Variants in DPP6 observed in about 807,000 individuals in gnomAD.
DPP6 encodes dipeptidyl peptidase like 6, also known as A-type potassium channel modulatory protein DPP6.
DPP6 carries 69 observed loss-of-function variants against 122.6 expected under a neutral mutation model. The observed-to-expected ratio is 0.56, with a 90% CI of 0.46 to 0.69. DPP6 has a LOEUF of 0.69. Ranked by LOEUF, DPP6 falls within the 30% of genes least tolerant of loss-of-function variation. The pLI is 0.00. For missense variants in DPP6, 928 were observed against 1,116.9 expected (o/e 0.83, Z 2.41); for synonymous variants, 418 against 433.1 (o/e 0.97, Z 0.43).
rs138443287 is a variant in DPP6 at position 154,378,083 on chromosome 7, G to A, written c.244-68131G>A. On this transcript the variant is annotated intron_variant, in intron 1 of 25. Transcript: ENST00000377770. ...GGCATATAGAAACAGTGCCTGGTGA[G>A]CTCTTTTTGAGGATAGATGCTAGGT... 3.0e-3 allele frequency among the ~76,000 whole-genome samples: 455 copies of A among 152,320 alleles called. 4 individuals are homozygous for A. The South Asian group carries it at 0.034, about 11-fold the overall frequency.
intron 1 of DPP6, among the ~76,000 whole-genome samples, chr7:154,033,135 G>T (rs1441615614): frequency 6.6e-6 from 1 of 151,090 alleles, no homozygotes; most frequent in African/African-American, 2.5e-5. Context: ...GCATTTATTT[G>T]CCCAGTACCC....
intron 1 of DPP6, among the ~76,000 whole-genome samples, chr7:153,994,327 A>G (rs1797331467): frequency 6.6e-6 from 1 of 151,892 alleles, no homozygotes; most frequent in Non-Finnish European, 1.5e-5. Flanking sequence ...ATCAATTTTC[A>G]ATAAAACTTC....
the DPP6 span, among the ~76,000 whole-genome samples, chr7:153,818,406 C>T: frequency 1.3e-5 from 2 of 151,870 alleles, no homozygotes; most frequent in African/African-American, 4.8e-5. Context: ...TTTGCTGCAG[C>T]ATTGTTTGTA....
chr7:153,960,692 CATGTGTGTGT>C (rs1563050952), intron 1 of DPP6, among the ~76,000 whole-genome samples: 2 of 143,230 alleles, frequency 1.4e-5, no homozygotes, highest in Non-Finnish European at 3.0e-5. Context: ...CATGCGTGTG[CATGTGTGTGT>C]GAATGTGTGT....
intron 2 of DPP6, 87 bp from the exon 3 acceptor site, chr7:154,474,852 T>C: frequency 9.7e-7 from 1 of 1,034,442 alleles, no homozygotes; most frequent in Non-Finnish European, 1.5e-6. Flanking sequence ...TCCATACTAT[T>C]TATAAATGAC....
intron 1 of DPP6, among the ~76,000 whole-genome samples, chr7:154,352,831 T>C (rs1017657240): frequency 2.0e-5 from 3 of 152,228 alleles, no homozygotes; most frequent in African/African-American, 7.2e-5. Flanking sequence ...ATCCCAGAAC[T>C]TCAGTAAATT....
chr7:153,888,213 G>A (rs887732847), intron 1 of DPP6, among the ~76,000 whole-genome samples: 6 of 152,218 alleles, frequency 3.9e-5, no homozygotes, highest in Non-Finnish European at 7.3e-5. Context: ...TGCTCTCGGG[G>A]CAGGCGCCAG....
At chr7:153,912,426 C>G (rs1380950215) in intron 1 of DPP6, among the ~76,000 whole-genome samples, 1 of 152,162 alleles carries the variant, frequency 6.6e-6, no homozygotes, top group Non-Finnish European at 1.5e-5. Flanking sequence ...AAGGACTCCT[C>G]TGCAAAAAGC....
chr7:154,130,050 T>C (rs1455136454), intron 1 of DPP6, among the ~76,000 whole-genome samples: 1 of 150,948 alleles, frequency 6.6e-6, no homozygotes, highest in African/African-American at 2.4e-5. Flanking sequence ...GATCGCGCCA[T>C]TGCACTCCAG....
chr7:154,305,335 T>TTGGGCC, intron 1 of DPP6: 35 of 1,024,636 alleles, frequency 3.4e-5, no homozygotes, highest in Non-Finnish European at 3.9e-5. Context: ...TCGTCTTGTC[T>TTGGGCC]ACCCACCCTC....
At chr7:154,053,086 GGGC>G (rs1375244846) in intron 1 of DPP6, 23 bp downstream of exon 1, 3 of 1,070,182 alleles carry the variant, frequency 2.8e-6, no homozygotes, top group African/African-American at 1.7e-5. Flanking sequence ...CGGGGGCGGG[GGGC>G]GGCGGCGGGT....
intron 1 of DPP6, among the ~76,000 whole-genome samples, chr7:153,900,018 C>T (rs554811340): frequency 1.1e-4 from 16 of 152,294 alleles, no homozygotes; most frequent in East Asian, 9.7e-4. Flanking sequence ...CATGATGTGA[C>T]GCTGGACCTG....
intron 7 of DPP6, among the ~76,000 whole-genome samples, chr7:154,671,302 T>G (rs1045983500): frequency 1.3e-5 from 2 of 152,196 alleles, no homozygotes; most frequent in African/African-American, 4.8e-5. Context: ...TACAAGCCAG[T>G]ACCCACAGCT....
chr7:154,163,942 C>T (rs1797106223), intron 1 of DPP6, among the ~76,000 whole-genome samples: 1 of 152,142 alleles, frequency 6.6e-6, no homozygotes, highest in Non-Finnish European at 1.5e-5. Flanking sequence ...CAGGCCCGCT[C>T]TCTACTGAGC....
intron 1 of DPP6, among the ~76,000 whole-genome samples, chr7:153,892,875 T>C (rs1799265529): frequency 6.6e-6 from 1 of 152,168 alleles, no homozygotes; most frequent in Non-Finnish European, 1.5e-5. Flanking sequence ...CTTTCTCTGC[T>C]TGCTAGTTGT....
At chr7:154,546,206 C>CTAGGCT in intron 4 of DPP6, among the ~76,000 whole-genome samples, 1 of 151,980 alleles carries the variant, frequency 6.6e-6, no homozygotes, top group African/African-American at 2.4e-5. Context: ...TAAAAAGATA[C>CTAGGCT]AATATACTAG....
chr7:154,281,457 C>A (rs1804507837), intron 1 of DPP6, among the ~76,000 whole-genome samples: 1 of 152,146 alleles, frequency 6.6e-6, no homozygotes, highest in Non-Finnish European at 1.5e-5. Flanking sequence ...AAGTCCCACG[C>A]CTCTGTTTCC....
intron 1 of DPP6, among the ~76,000 whole-genome samples, chr7:154,016,293 A>G (rs1218771895): frequency 6.6e-6 from 1 of 152,188 alleles, no homozygotes; most frequent in Non-Finnish European, 1.5e-5. Context: ...CCCTTAGAGA[A>G]GGACATTGTC....
intron 8 of DPP6, among the ~76,000 whole-genome samples, chr7:154,765,579 C>T (rs1300216334): frequency 6.6e-6 from 1 of 152,164 alleles, no homozygotes; most frequent in African/African-American, 2.4e-5. Flanking sequence ...GATAATGGCA[C>T]TGGCTTCTTC....
Sources: gnomAD v4.1 joint callset for allele counts (sites outside exome capture counted in the v4.1 genomes callset) on GRCh38, gnomAD v4.1.1 for gene constraint, MANE v1.5 for transcripts, NCBI Gene and HGNC (gene_info 2026-07-23, HGNC 2026-07-21) for gene names.